NCAM2: variants seen among roughly 807,000 people sequenced by gnomAD.
NCAM2 encodes N-CAM-2.
A neutral mutation model predicts 98.1 loss-of-function variants in NCAM2; 30 were observed. The observed-to-expected ratio is 0.31, with a 90% CI of 0.23 to 0.41. The LOEUF is 0.41. NCAM2 is among the 10% of genes least tolerant of loss of function. NCAM2 has a pLI of 1.00. For missense variants in NCAM2, 867 were observed against 1,005.8 expected (o/e 0.86, Z 1.87); for synonymous variants, 368 against 342.4 (o/e 1.07, Z -0.83).
chr21:21,324,267 A>G, intron 5 of NCAM2, 116 bp from the exon 6 acceptor site: 2 of 654,636 alleles, frequency 3.1e-6, no homozygotes, highest in South Asian at 4.7e-5. Flanking sequence ...TTTCATTAAT[A>G]TAAATGGAGA....
chr21:21,477,692 G>C (rs1985344846), intron 15 of NCAM2, among the ~76,000 whole-genome samples: 1 of 152,078 alleles, frequency 6.6e-6, no homozygotes, highest in East Asian at 1.9e-4. Context: ...TAGTTGGAGT[G>C]GTGGAGAAAG....
chr21:21,180,804 T>A (rs2068444323), intron 1 of NCAM2, among the ~76,000 whole-genome samples: 1 of 152,116 alleles, frequency 6.6e-6, no homozygotes, highest in Non-Finnish European at 1.5e-5. Flanking sequence ...AAGGAAGAGT[T>A]ATGTAGAGAA....
At position 21,022,045 on chromosome 21, in the gene NCAM2, TTAAA is replaced by T. The variant is rs766884585; in HGVS notation, c.55+23434_55+23437del. ...CACAAGAAATTTGGTTTATATAAAG[TTAAA>T]TAAATATCTGGCTGTGATGGCTTTT... On this transcript the variant is annotated intron_variant, in intron 1 of 17. Transcript: ENST00000400546. Among the ~76,000 whole-genome samples, 5 of 152,094 alleles carry T rather than the reference TTAAA, an allele frequency of 3.3e-5. No homozygotes were observed. The South Asian group carries it at 6.2e-4, about 19-fold the overall frequency.
chr21:21,410,150 A>AAT (rs1555889561), intron 9 of NCAM2, 124 bp from the exon 10 acceptor site: 4 of 597,640 alleles, frequency 6.7e-6, no homozygotes, highest in African/African-American at 5.9e-5. Context: ...AAAAAAAAAA[A>AAT]TACACGAAAT....
Position 21,089,587 on chromosome 21 carries a change from G to A in NCAM2, c.55+90969G>A, listed in dbSNP as rs1048489935. 2.6e-5 allele frequency among the ~76,000 whole-genome samples: 4 copies of A among 152,176 alleles called. No homozygotes were observed. The South Asian group carries it at 8.3e-4, about 32-fold the overall frequency. ...GCCTGTGCCAGAATGACTTTATCTG[G>A]GATTTGAGCCTGTGTGTGCCTGACA... On this transcript the variant is annotated intron_variant, in intron 1 of 17. Transcript: ENST00000400546.
At chr21:21,397,135 G>T (rs1254552501) in intron 9 of NCAM2, among the ~76,000 whole-genome samples, 2 of 152,108 alleles carry the variant, frequency 1.3e-5, no homozygotes, top group Non-Finnish European at 2.9e-5. Context: ...TCCAACTCTG[G>T]CTGAGTCGGG....
rs183895715 is a variant in NCAM2, at chr21:21,442,318, A to C, written c.1654+10037A>C. Among the ~76,000 whole-genome samples, 5 of 152,242 alleles carry C rather than the reference A, an allele frequency of 3.3e-5. No individual in the cohort carries two copies. The East Asian group carries it at 9.7e-4, about 29-fold the overall frequency. ...GTTGTCAAATTCTAGACATATTTTA[A>C]AGGTAGTGTCCAGAGAATTTCCTTA... On this transcript the variant is annotated intron_variant, in intron 12 of 17. Transcript: ENST00000400546.
At chr21:21,190,339 T>C (rs565236116) in intron 1 of NCAM2, among the ~76,000 whole-genome samples, 1 of 152,326 alleles carries the variant, frequency 6.6e-6, no homozygotes, top group Non-Finnish European at 1.5e-5. Context: ...GAGCTATCTT[T>C]GGGCATTACC....
At chr21:21,208,168 T>C (rs2069514292) in intron 1 of NCAM2, among the ~76,000 whole-genome samples, 1 of 152,166 alleles carries the variant, frequency 6.6e-6, no homozygotes, top group African/African-American at 2.4e-5. Context: ...TTTTCCAAGA[T>C]ATATTGAAAA....
chr21:21,175,551 T>A (rs1022396692), intron 1 of NCAM2, among the ~76,000 whole-genome samples: 4 of 151,416 alleles, frequency 2.6e-5, no homozygotes, highest in Admixed American at 6.6e-5. Flanking sequence ...TAAAAAAAAA[T>A]AAAATAATAA....
At chr21:21,058,144 CAAAAAAA>C (rs56355387) in intron 1 of NCAM2, among the ~76,000 whole-genome samples, 2 of 104,460 alleles carry the variant, frequency 1.9e-5, no homozygotes, top group African/African-American at 3.6e-5. Flanking sequence ...TAAGTCTCTT[CAAAAAAA>C]AAAAAAAAAA....
At chr21:21,005,303 T>G (rs757299067) in intron 1 of NCAM2, among the ~76,000 whole-genome samples, 10 of 152,150 alleles carry the variant, frequency 6.6e-5, no homozygotes, top group Admixed American at 2.0e-4. Context: ...TATGGAAGAC[T>G]TAATAGGATC....
chr21:21,310,179 T>A (rs866798643), intron 5 of NCAM2, among the ~76,000 whole-genome samples: 1 of 152,200 alleles, frequency 6.6e-6, no homozygotes, highest in Non-Finnish European at 1.5e-5. Flanking sequence ...ACTTTATCCA[T>A]ACATCTTGTT....
intron 1 of NCAM2, among the ~76,000 whole-genome samples, chr21:21,056,957 T>G (rs867975365): frequency 6.6e-6 from 1 of 152,020 alleles, no homozygotes; most frequent in African/African-American, 2.4e-5. Flanking sequence ...CCTCTTTAAT[T>G]ATAGACTGGA....
At chr21:21,415,330 CTTTTTTTTTTTTTT>C (rs34997215) in intron 10 of NCAM2, among the ~76,000 whole-genome samples, 4 of 70,804 alleles carry the variant, frequency 5.6e-5, no homozygotes, top group Admixed American at 2.2e-4. Flanking sequence ...TTAGCTTGAT[CTTTTTTTTTTTTTT>C]TTTTTTTTTT....
intron 1 of NCAM2, among the ~76,000 whole-genome samples, chr21:21,057,438 T>G (rs2065234224): frequency 6.6e-6 from 1 of 152,150 alleles, no homozygotes; most frequent in Admixed American, 6.6e-5. Context: ...ATTTTATGCA[T>G]GTAACCTTAA....
intron 4 of NCAM2, among the ~76,000 whole-genome samples, chr21:21,287,165 T>C (rs1239235174): frequency 1.3e-5 from 2 of 151,980 alleles, no homozygotes; most frequent in African/African-American, 2.4e-5. Context: ...AATTTAGAAT[T>C]TTTTCAATGC....
intron 8 of NCAM2, among the ~76,000 whole-genome samples, chr21:21,365,399 C>CA (rs1382707600): frequency 1.3e-5 from 2 of 151,808 alleles, no homozygotes; most frequent in Non-Finnish European, 1.5e-5. Flanking sequence ...AAGCAAACCT[C>CA]AAAGGAATAA....
In NCAM2 at chr21:21,406,241, G is replaced by C. The variant is rs183874639; in HGVS notation, c.1196-4033G>C. Among the ~76,000 whole-genome samples the C allele has an allele frequency of 2.0e-5, 3 of 152,300 alleles. No homozygotes were observed. The East Asian group carries it at 5.8e-4, about 29-fold the overall frequency. ...AGTTGGAATGTACAGCCAATGAGTA[G>C]AGTGAGAGATGGCAGTGGATGAAAA... On this transcript the variant is annotated intron_variant, in intron 9 of 17. Transcript: ENST00000400546.
Sources: gnomAD v4.1 joint callset for allele counts (sites outside exome capture counted in the v4.1 genomes callset) on GRCh38, gnomAD v4.1.1 for gene constraint, MANE v1.5 for transcripts, NCBI Gene and HGNC (gene_info 2026-07-23, HGNC 2026-07-21) for gene names.